GALNT13: variants seen among roughly 807,000 people sequenced by gnomAD.
GALNT13 encodes UDP-GalNAc:polypeptide N-acetylgalactosaminyltransferase 13.
In GALNT13, 28 loss-of-function variants were observed where a neutral mutation model predicts 64.2. The ratio of observed to expected loss-of-function variants is 0.44; its 90% CI spans 0.32 to 0.60. The LOEUF (loss-of-function observed/expected upper bound fraction) is 0.60, where lower values mean the gene tolerates loss of function less well. GALNT13 is among the 20% of genes least tolerant of loss of function. GALNT13 has a pLI of 0.05. For missense variants in GALNT13, 577 were observed against 669.8 expected (o/e 0.86, Z 1.53); for synonymous variants, 214 against 224.6 (o/e 0.95, Z 0.42).
chr2:153,745,878 A>G, the GALNT13 span, among the ~76,000 whole-genome samples: 2 of 152,086 alleles, frequency 1.3e-5, no homozygotes, highest in African/African-American at 4.8e-5. Flanking sequence ...TGGAGCCTCC[A>G]TGCTTTGCCT....
At chr2:153,414,807 C>G in the GALNT13 span, among the ~76,000 whole-genome samples, 3 of 152,126 alleles carry the variant, frequency 2.0e-5, no homozygotes, top group African/African-American at 7.2e-5. Flanking sequence ...CAAATTTTGT[C>G]TCTGTTTGTA....
At chr2:154,321,897 G>T (rs1479294021) in intron 9 of GALNT13, among the ~76,000 whole-genome samples, 1 of 151,846 alleles carries the variant, frequency 6.6e-6, no homozygotes. Context: ...TATATTTCTG[G>T]ATTTCTTTAA....
the GALNT13 span, among the ~76,000 whole-genome samples, chr2:153,780,212 A>AAGAT: frequency 5.7e-5 from 6 of 106,186 alleles, no homozygotes; most frequent in African/African-American, 2.3e-4. Flanking sequence ...AAAGAATTTG[A>AAGAT]AGATATATAT....
the GALNT13 span, among the ~76,000 whole-genome samples, chr2:153,748,308 T>A: frequency 6.6e-6 from 1 of 152,182 alleles, no homozygotes; most frequent in Admixed American, 6.5e-5. Flanking sequence ...GTGGGATTGC[T>A]GGATTATATA....
chr2:153,501,324 T>A, the GALNT13 span, among the ~76,000 whole-genome samples: 2 of 152,086 alleles, frequency 1.3e-5, no homozygotes, highest in Non-Finnish European at 2.9e-5. Context: ...GCTTTTTGGT[T>A]TTTTTTGTTT....
At chr2:153,565,259 A>G in the GALNT13 span, among the ~76,000 whole-genome samples, 7 of 152,212 alleles carry the variant, frequency 4.6e-5, no homozygotes, top group African/African-American at 1.4e-4. Flanking sequence ...GGAAAGAAGA[A>G]AAGGAAGGAA....
intron 9 of GALNT13, among the ~76,000 whole-genome samples, chr2:154,306,781 G>T (rs1269068055): frequency 2.0e-5 from 3 of 151,830 alleles, no homozygotes; most frequent in Admixed American, 6.6e-5. Flanking sequence ...CAAAATGTAG[G>T]GTCTGCAAAA....
intron 4 of GALNT13, among the ~76,000 whole-genome samples, chr2:154,155,152 A>G (rs974251911): frequency 1.3e-5 from 2 of 152,080 alleles, no homozygotes; most frequent in Admixed American, 6.5e-5. Flanking sequence ...AAAATAAAAG[A>G]TGTGTACCAG....
chr2:153,095,002 C>A, the GALNT13 span, among the ~76,000 whole-genome samples: 1 of 152,040 alleles, frequency 6.6e-6, no homozygotes, highest in African/African-American at 2.4e-5. Flanking sequence ...ACTAAAACAC[C>A]AAAAGCAATG....
chr2:153,534,132 T>C, the GALNT13 span, among the ~76,000 whole-genome samples: 1 of 152,170 alleles, frequency 6.6e-6, no homozygotes, highest in African/African-American at 2.4e-5. Flanking sequence ...TAATAATTGT[T>C]CTAACTTCCC....
At chr2:153,436,707 A>T in the GALNT13 span, among the ~76,000 whole-genome samples, 1 of 151,636 alleles carries the variant, frequency 6.6e-6, no homozygotes, top group Non-Finnish European at 1.5e-5. Flanking sequence ...CGTCTATTTG[A>T]TTCTTCTCTC....
At chr2:154,361,233 A>T (rs1697050210) in intron 9 of GALNT13, among the ~76,000 whole-genome samples, 1 of 152,138 alleles carries the variant, frequency 6.6e-6, no homozygotes, top group African/African-American at 2.4e-5. Context: ...GTTGTAGATT[A>T]ATTTGTATGA....
the GALNT13 span, among the ~76,000 whole-genome samples, chr2:153,826,520 C>T: frequency 6.6e-6 from 1 of 152,124 alleles, no homozygotes; most frequent in Non-Finnish European, 1.5e-5. Flanking sequence ...TTCTTACTTC[C>T]CCTACAAGTG....
intron 3 of GALNT13, among the ~76,000 whole-genome samples, chr2:154,118,955 C>G (rs1208599030): frequency 6.6e-6 from 1 of 152,106 alleles, no homozygotes; most frequent in Non-Finnish European, 1.5e-5. Flanking sequence ...AATGCCCATA[C>G]TAGGAATAAA....
At chr2:153,244,595 A>G in the GALNT13 span, among the ~76,000 whole-genome samples, 5 of 152,206 alleles carry the variant, frequency 3.3e-5, no homozygotes, top group African/African-American at 1.2e-4. Flanking sequence ...CTGTGCAACT[A>G]AGGCCAGATG....
intron 9 of GALNT13, among the ~76,000 whole-genome samples, chr2:154,363,713 A>G (rs944343667): frequency 6.6e-6 from 1 of 152,210 alleles, no homozygotes; most frequent in Admixed American, 6.5e-5. Context: ...TAAAGACTGG[A>G]GTTAAATAGA....
the GALNT13 span, chr2:153,421,749 T>C: frequency 4.1e-6 from 1 of 245,780 alleles, no homozygotes; most frequent in South Asian, 7.0e-5. Context: ...CATCAGTGAC[T>C]ATGGGTTCCA....
intron 3 of GALNT13, among the ~76,000 whole-genome samples, chr2:154,067,366 AC>A (rs1201211892): frequency 2.0e-5 from 3 of 152,080 alleles, no homozygotes; most frequent in Admixed American, 1.3e-4. Context: ...TTAAAAAATG[AC>A]CCAACAATCT....
the GALNT13 span, among the ~76,000 whole-genome samples, chr2:153,815,613 C>T: frequency 1.5e-4 from 23 of 152,240 alleles, 1 homozygote; most frequent in East Asian, 2.1e-3. Context: ...CTTCATAACA[C>T]GGGAGGGGAG....
Sources: allele counts gnomAD v4.1 joint callset (sites outside exome capture counted in the v4.1 genomes callset), GRCh38; gene constraint gnomAD v4.1.1; transcripts MANE v1.5; gene names NCBI Gene and HGNC (gene_info 2026-07-23, HGNC 2026-07-21).